The following DTX4 variants were observed in gnomAD, a reference collection of about 807,000 sequenced individuals.
DTX4 encodes deltex E3 ubiquitin ligase 4.
DTX4 carries 28 observed loss-of-function variants against 57.6 expected under a neutral mutation model. The observed-to-expected ratio is 0.49, with a 90% CI of 0.36 to 0.67. The LOEUF (loss-of-function observed/expected upper bound fraction) is 0.67, where lower values mean the gene tolerates loss of function less well. Ranked by LOEUF, DTX4 falls within the 30% of genes least tolerant of loss-of-function variation. The probability of loss-of-function intolerance (pLI) is 0.00; values close to 1 mark genes in which losing one functional copy is unlikely to be tolerated. For missense variants in DTX4, 715 were observed against 836.8 expected (o/e 0.85, Z 1.80); for synonymous variants, 316 against 331.0 (o/e 0.95, Z 0.49).
At chr11:59,185,845 C>T (rs1486236397) in intron 2 of DTX4, among the ~76,000 whole-genome samples, 1 of 152,182 alleles carries the variant, frequency 6.6e-6, no homozygotes, top group Non-Finnish European at 1.5e-5. Flanking sequence ...CAGCTGTTTA[C>T]AGTTAGTTGA....
At position 59,179,921 on chromosome 11, in the gene DTX4, G is replaced by GACACACACAC. The variant is rs145272277; in HGVS notation, c.212-1807_212-1798dup. ...ACCACCCTACACACATACACACACA[G>GACACACACAC]ACACACACACACACACACACCCTCA... is the stretch of plus-strand genomic sequence containing the variant. On this transcript the variant is annotated intron_variant, in intron 1 of 8. Coordinates refer to ENST00000227451, the MANE Select transcript of DTX4 (RefSeq NM_015177.2). Among the ~76,000 whole-genome samples the GACACACACAC allele has an allele frequency of 4.4e-3, 658 of 148,386 alleles. 5 individuals are homozygous for GACACACACAC. Among genetic ancestry groups the GACACACACAC allele is most frequent in the African/African-American group, 0.015 (628 of 40,610 alleles).
In DTX4 at chr11:59,182,256, A is replaced by T; in HGVS notation, c.729A>T (p.Thr243=). 1 of 1,612,280 alleles carries T rather than the reference A, an allele frequency of 6.2e-7. No individual in the cohort carries two copies. Residue 243 remains threonine (T), a synonymous_variant, in exon 2 of 9, where the codon ACA becomes ACT. Transcript: ENST00000227451. ...PGSGAKPLDS[T]GTIRGPLKTA... The stretch of plus-strand genomic sequence containing the variant: ...CTGGGGCCAAGCCACTGGACAGCAC[A>T]GGCACCATTCGAGGCCCACTGAAGA...
Position 59,172,489 on chromosome 11 carries a change from G to A in DTX4, c.-107G>A. The A allele has an allele frequency of 5.3e-6, 3 of 569,086 alleles. No homozygotes were observed. The highest frequency in any genetic ancestry group is 4.8e-6 in the Non-Finnish European group (2 of 417,388). 35.3% of individuals were successfully genotyped at this position (569,086 alleles called of 1,614,324 possible). ...GCCCGGGGCGGCGGGGCGCGGGGCA[G>A]GGGGCGCGGTCGAGGCCCGGAGGCG... On this transcript the variant is annotated 5_prime_UTR_variant, in exon 1 of 9. Coordinates refer to ENST00000227451, the MANE Select transcript of DTX4 (RefSeq NM_015177.2).
rs118000723 is a variant in DTX4, at chr11:59,180,578, A to G, written c.212-1161A>G. Among the ~76,000 whole-genome samples the G allele has an allele frequency of 4.6e-4, 70 of 152,244 alleles. No individual in the cohort carries two copies. The East Asian group carries it at 0.013, about 27-fold the overall frequency. On this transcript the variant is annotated intron_variant, in intron 1 of 8. Transcript: ENST00000227451. ...CAGCCTTTTCTCACCACTTTGATGG[A>G]TAGAGCTTAAGCTGACAGATGCAGA... is the stretch of plus-strand genomic sequence containing the variant.
chr11:59,200,847 G>A (rs1862732479), intron 8 of DTX4, among the ~76,000 whole-genome samples: 10 of 152,204 alleles, frequency 6.6e-5, no homozygotes, highest in Admixed American at 6.5e-4. Context: ...TATTAGACAA[G>A]ATATATTTTA....
At chr11:59,193,950 G>A (rs929481743) in intron 6 of DTX4, among the ~76,000 whole-genome samples, 4 of 152,172 alleles carry the variant, frequency 2.6e-5, no homozygotes, top group Admixed American at 2.0e-4. Flanking sequence ...TTTTACACAC[G>A]TTGCTCCCAG....
At chr11:59,182,557 A>C (rs537806582) in intron 2 of DTX4, 95 bp downstream of exon 2, 7 of 1,423,232 alleles carry the variant, frequency 4.9e-6, no homozygotes, top group Middle Eastern at 1.8e-4. Flanking sequence ...GCCAAGACTT[A>C]AGCTTCTCAT....
chr11:59,204,729 C>A lies in DTX4; in HGVS notation c.1680C>A (p.Gly560=). ...ATCGCCGCCTCATTTTTGCCATTGG[C>A]ACCTCCAGCACCACAGGCGAGTCAG... The part of the protein sequence containing the change: ...AWDRRLIFAI[G]TSSTTGESDT... Residue 560 remains glycine, a synonymous_variant, in exon 9 of 9, where the codon GGC becomes GGA. Coordinates refer to ENST00000227451, the MANE Select transcript of DTX4 (RefSeq NM_015177.2). 1 of 1,613,752 alleles carries A rather than the reference C, an allele frequency of 6.2e-7. No homozygotes were observed. Among genetic ancestry groups the A allele is most frequent in the African/African-American group, 1.3e-5 (1 of 75,056 alleles).
chr11:59,177,235 C>T (rs963781341), intron 1 of DTX4, among the ~76,000 whole-genome samples: 1 of 152,206 alleles, frequency 6.6e-6, no homozygotes, highest in African/African-American at 2.4e-5. Flanking sequence ...TGGCCATTCA[C>T]ATGCAGATTC....
In DTX4 at chr11:59,182,037, G is replaced by A. The variant is rs1430199313; in HGVS notation, c.510G>A (p.Lys170=). The change falls in exon 2 of 9, where the codon AAG becomes AAA. Residue 170 remains lysine, a synonymous_variant. Transcript: ENST00000227451. ...CCATGGTCACAGGGACCTTGCCTAA[G>A]GCTCAGTCCTGGCCAGTCAGCCCTG... ...IYPMVTGTLP[K]AQSWPVSPGP... 4.3e-6 allele frequency: 7 copies of A among 1,613,238 alleles called. No individual in the cohort carries two copies. The Admixed American group carries it at 1.2e-4, about 27-fold the overall frequency.
rs71036507 is a variant in DTX4, at chr11:59,174,501, G to GA, written c.211+1707dup. On this transcript the variant is annotated intron_variant, in intron 1 of 8. Coordinates refer to ENST00000227451, the MANE Select transcript of DTX4 (RefSeq NM_015177.2). ...CATCTGACAGGGGATTCCAGTCCTG[G>GA]AAAAAAAAAAAAGCAGGTGTTACCT... 1.6e-3 allele frequency among the ~76,000 whole-genome samples: 186 copies of GA among 117,994 alleles called. 2 individuals carry two copies. Among genetic ancestry groups the GA allele is most frequent in the African/African-American group, 2.7e-3 (69 of 25,894 alleles). 77.4% of individuals were successfully genotyped at this position (117,994 alleles called of 152,430 possible).
rs1862793976 is a variant in DTX4 at position 59,205,428 on chromosome 11, C to A, written c.*519C>A. 6.2e-6 allele frequency: 1 copy of A among 162,122 alleles called. No individual in the cohort carries two copies. The highest frequency in any genetic ancestry group is 5.7e-5 in the Admixed American group (1 of 17,550). 10.0% of individuals were successfully genotyped at this position (162,122 alleles called of 1,614,324 possible). A position where few individuals can be genotyped will look rare whatever the true frequency, so the allele number is the denominator to read the frequency against. ...GTGAATCACTAAACTGCTGTGACAT[C>A]AGAAACTGATGCCTTGGTGTAGAGC... On this transcript the variant is annotated 3_prime_UTR_variant, in exon 9 of 9. Coordinates refer to ENST00000227451, the MANE Select transcript of DTX4 (RefSeq NM_015177.2).
chr11:59,207,199 T>A lies in DTX4; in HGVS notation c.*2290T>A, dbSNP rs1862823281. On this transcript the variant is annotated 3_prime_UTR_variant, in exon 9 of 9. Coordinates refer to ENST00000227451, the MANE Select transcript of DTX4 (RefSeq NM_015177.2). ...AGGTGGGGAAGAAAAGAAGACAGACTTTCAAAATGGAATTAGGCACTGGGG... is the reference window on the plus strand; with the variant it reads ...AGGTGGGGAAGAAAAGAAGACAGACATTCAAAATGGAATTAGGCACTGGGG... 1 of 152,186 alleles carries A rather than the reference T, an allele frequency of 6.6e-6. No individual in the cohort carries two copies. The highest frequency in any genetic ancestry group is 2.4e-5 in the African/African-American group (1 of 41,392). 9.4% of individuals were successfully genotyped at this position (152,186 alleles called of 1,614,324 possible).
intron 1 of DTX4, among the ~76,000 whole-genome samples, chr11:59,179,442 A>G (rs574932994): frequency 6.6e-6 from 1 of 152,316 alleles, no homozygotes; most frequent in South Asian, 2.1e-4. Flanking sequence ...TTCTTTCTGA[A>G]TAATGCCTTT....
chr11:59,177,004 T>C (rs1024998726), intron 1 of DTX4, among the ~76,000 whole-genome samples: 3 of 152,190 alleles, frequency 2.0e-5, no homozygotes, highest in Non-Finnish European at 4.4e-5. Context: ...TATCTCTGAC[T>C]CTCTGTAGCG....
Position 59,182,385 on chromosome 11 carries a change from G to T in DTX4, c.858G>T (p.Arg286Ser), listed in dbSNP as rs1862477744. The T allele has an allele frequency of 1.9e-6, 3 of 1,613,608 alleles. No individual in the cohort carries two copies. The highest frequency in any genetic ancestry group is 1.3e-5 in the African/African-American group (1 of 74,938). The change falls in exon 2 of 9, where the codon AGG (arginine) becomes AGT (serine). Residue 286 changes from arginine (R) to serine (S), a missense_variant. Physicochemically the swap from Arg to Ser is moderately radical, Grantham distance 110 (BLOSUM62 -1). Transcript: ENST00000227451. Reference sequence around the variant, plus strand: ...CAGGACCCAACAGCAAGACCGGAAGGGTGGCCCTGGCCACCTTGAATCGTA... The same window carrying T: ...CAGGACCCAACAGCAAGACCGGAAGTGTGGCCCTGGCCACCTTGAATCGTA... ...SPPGPNSKTGRVALATLNRTN... is the reference protein window; with the variant it reads ...SPPGPNSKTGSVALATLNRTN...
At chr11:59,173,356 C>A (rs1206760006) in intron 1 of DTX4, among the ~76,000 whole-genome samples, 1 of 152,200 alleles carries the variant, frequency 6.6e-6, no homozygotes, top group Non-Finnish European at 1.5e-5. Context: ...GAAGGGATTC[C>A]CCGGAGGTTC....
chr11:59,179,248 T>C (rs1303212674), intron 1 of DTX4, among the ~76,000 whole-genome samples: 1 of 152,100 alleles, frequency 6.6e-6, no homozygotes, highest in African/African-American at 2.4e-5. Flanking sequence ...ATTGTGCAAA[T>C]ACCAATTTGA....
intron 1 of DTX4, among the ~76,000 whole-genome samples, chr11:59,179,351 G>A (rs962266669): frequency 6.6e-6 from 1 of 152,222 alleles, no homozygotes; most frequent in African/African-American, 2.4e-5. Flanking sequence ...AAGGCTGAAA[G>A]ACTGGACTGC....
Sources: gnomAD v4.1 joint callset for allele counts (sites outside exome capture counted in the v4.1 genomes callset) on GRCh38, gnomAD v4.1.1 for gene constraint, MANE v1.5 for transcripts, NCBI Gene and HGNC (gene_info 2026-07-23, HGNC 2026-07-21) for gene names.